CRMP1: variants seen among roughly 807,000 people sequenced by gnomAD.
CRMP1 encodes collapsin response mediator protein 1.
A neutral mutation model predicts 68.3 loss-of-function variants in CRMP1; 19 were observed. The observed-to-expected ratio is 0.28, with a 90% CI of 0.19 to 0.41. CRMP1 has a LOEUF of 0.41. Ranked by LOEUF, CRMP1 falls within the 10% of genes least tolerant of loss-of-function variation. The pLI is 1.00. For synonymous variants in CRMP1, 439 were observed against 399.6 expected (o/e 1.10, Z -1.18); for missense variants, 791 against 967.4 (o/e 0.82, Z 2.42).
intron 1 of CRMP1, among the ~76,000 whole-genome samples, chr4:5,885,552 G>T (rs1184652744): frequency 6.6e-6 from 1 of 152,178 alleles, no homozygotes; most frequent in Non-Finnish European, 1.5e-5. Context: ...CTCTCCCGAG[G>T]CCGTCTTTCC....
At chr4:5,886,262 T>A (rs968033128) in intron 1 of CRMP1, among the ~76,000 whole-genome samples, 4 of 152,212 alleles carry the variant, frequency 2.6e-5, no homozygotes, top group South Asian at 2.1e-4. Context: ...CCCATTTGAT[T>A]TCTCTTTACA....
chr4:5,835,758 A>G (rs1191063432), intron 11 of CRMP1, among the ~76,000 whole-genome samples, 157 bp downstream of exon 11: 2 of 152,236 alleles, frequency 1.3e-5, no homozygotes, highest in African/African-American at 4.8e-5. Flanking sequence ...CCTCCTCCCA[A>G]TCTCTCCAAC....
chr4:5,863,820 T>C lies in CRMP1; in HGVS notation c.471-2610A>G, dbSNP rs556026686. 2.0e-5 allele frequency among the ~76,000 whole-genome samples: 3 copies of C among 152,190 alleles called. No homozygotes were observed. The South Asian group carries it at 6.2e-4, about 32-fold the overall frequency. On this transcript the variant is annotated intron_variant, in intron 2 of 13. Transcript: ENST00000324989. ...TCATTCAAGTGAAGGAAAGTAATTG[T>C]GCCTCTGTACCCGAGGTGGTCCCCG...
At chr4:5,837,034 A>G in intron 9 of CRMP1, 128 bp from the exon 10 acceptor site, 1 of 1,070,746 alleles carries the variant, frequency 9.3e-7, no homozygotes, top group Non-Finnish European at 1.3e-6. Context: ...TGGGTAAGAG[A>G]GACTCTCTAG....
rs1036720324 is a variant in CRMP1 at position 5,888,435 on chromosome 4, C to T, written c.381+4154G>A. ...TGCCCACGCGCGGCTGCCCCGGCTG[C>T]TCGGCCCGCCCGCCGCCGCTCCGGC... On this transcript the variant is annotated intron_variant, in intron 1 of 13. Coordinates refer to ENST00000324989, the MANE Select transcript of CRMP1 (RefSeq NM_001014809.3). This position sits in a 1 kb window ranked among gnomAD's most constrained non-coding sequence, Gnocchi z 6.4. The T allele has an allele frequency of 1.2e-5, 14 of 1,215,680 alleles. No homozygotes were observed. The highest frequency in any genetic ancestry group is 1.4e-5 in the Non-Finnish European group (14 of 977,870). The allele number at this position is 1,215,680 out of a possible 1,614,324, so 75.3% of individuals were successfully genotyped here.
Position 5,858,748 on chromosome 4 carries a change from C to A in CRMP1, c.655+2278G>T, listed in dbSNP as rs1713323975. Among the ~76,000 whole-genome samples, 1 of 152,174 alleles carries A rather than the reference C, an allele frequency of 6.6e-6. No individual in the cohort carries two copies. Among genetic ancestry groups the A allele is most frequent in the Non-Finnish European group, 1.5e-5 (1 of 68,040 alleles). On this transcript the variant is annotated intron_variant, in intron 3 of 13. Coordinates refer to ENST00000324989, the MANE Select transcript of CRMP1 (RefSeq NM_001014809.3). This position sits in a 1 kb window ranked among gnomAD's most constrained non-coding sequence, Gnocchi z 5.5. The stretch of plus-strand genomic sequence containing the variant: ...TGCCCATCACCCATATGAGAAAGAG[C>A]CACAGCCTCATCAGGCCATCGAGGC...
At position 5,834,409 on chromosome 4, in the gene CRMP1, C is replaced by T. The variant is rs981733689; in HGVS notation, c.1623+1506G>A. On this transcript the variant is annotated intron_variant, in intron 11 of 13. Coordinates refer to ENST00000324989, the MANE Select transcript of CRMP1 (RefSeq NM_001014809.3). The surrounding 1 kb of genome is among the most constrained non-coding windows in gnomAD (Gnocchi z 4.3). ...GGGCTTGTTATAAAAGCAAATTCAG[C>T]GTCCTCTTGATACTTCTTTCACACT... Among the ~76,000 whole-genome samples the T allele has an allele frequency of 3.3e-5, 5 of 152,220 alleles. No homozygotes were observed. Among genetic ancestry groups the T allele is most frequent in the Non-Finnish European group, 7.3e-5 (5 of 68,042 alleles).
chr4:5,828,680 G>T lies in CRMP1; in HGVS notation c.1624-12C>A. 1 of 1,611,942 alleles carries T rather than the reference G, an allele frequency of 6.2e-7. No homozygotes were observed. Among genetic ancestry groups the T allele is most frequent in the South Asian group, 1.1e-5 (1 of 90,926 alleles). On this transcript the variant is annotated splice_polypyrimidine_tract_variant and intron_variant, in intron 11 of 13. Transcript: ENST00000324989. ...TTGTACTCCACCGCCTGCACCAACA[G>T]CCTCAGTGTTACTTCCCAGGATTTG...
At chr4:5,827,972 T>C in intron 12 of CRMP1, 1 of 924,570 alleles carries the variant, frequency 1.1e-6, no homozygotes, top group Non-Finnish European at 1.3e-6. Flanking sequence ...TCAAGGAAAA[T>C]AAGGAACGAC....
rs778108731 is a variant in CRMP1 at position 5,825,601 on chromosome 4, G to A, written c.1862C>T (p.Pro621Leu). Residue 621 changes from proline (P) to leucine (L), a missense_variant, in exon 13 of 14, where the codon CCA becomes CTA. Pro to Leu is a moderately conservative substitution (Grantham distance 98). This residue lies in a region of CRMP1 where 594 missense variants were observed against 763.6 expected (regional missense o/e 0.78). Coordinates refer to ENST00000324989, the MANE Select transcript of CRMP1 (RefSeq NM_001014809.3). This position sits in a 1 kb window ranked among gnomAD's most constrained non-coding sequence, Gnocchi z 4.4. The part of the protein sequence containing the change: ...GMYDGPVYEV[P>L]ATPKYATPAP... ...GGGAGTTGCATATTTGGGTGTAGCT[G>A]GTACCTCGTACACAGGACCGTCATA... 20 of 1,603,498 alleles carry A rather than the reference G, an allele frequency of 1.2e-5. No individual in the cohort carries two copies. The highest frequency in any genetic ancestry group is 1.6e-5 in the Non-Finnish European group (19 of 1,176,608).
In CRMP1 at chr4:5,841,527, T is replaced by C; in HGVS notation, c.1033-99A>G. 6.4e-7 allele frequency: 1 copy of C among 1,557,826 alleles called. No homozygotes were observed. Among genetic ancestry groups the C allele is most frequent in the Non-Finnish European group, 8.7e-7 (1 of 1,144,498 alleles). ...ATTGAATGTGATCAGAAGGGAAATC[T>C]GCTCCATTGAATGAGAAGGACATAC... On this transcript the variant is annotated intron_variant, in intron 7 of 13. Coordinates refer to ENST00000324989, the MANE Select transcript of CRMP1 (RefSeq NM_001014809.3). This position sits in a 1 kb window ranked among gnomAD's most constrained non-coding sequence, Gnocchi z 6.9.
In CRMP1 at chr4:5,889,219, G is replaced by T. The variant is rs1399922968; in HGVS notation, c.381+3370C>A. On this transcript the variant is annotated intron_variant, in intron 1 of 13. Coordinates refer to ENST00000324989, the MANE Select transcript of CRMP1 (RefSeq NM_001014809.3). The surrounding 1 kb of genome is among the most constrained non-coding windows in gnomAD (Gnocchi z 4.5). The stretch of plus-strand genomic sequence containing the variant: ...GGGAACAGCAGGGACAGAAGGGTAC[G>T]GCCTTAATTAATGCTGACCTGTTCT... 6.6e-6 allele frequency among the ~76,000 whole-genome samples: 1 copy of T among 152,118 alleles called. No homozygotes were observed. Among genetic ancestry groups the T allele is most frequent in the Non-Finnish European group, 1.5e-5 (1 of 68,032 alleles).
At position 5,870,214 on chromosome 4, in the gene CRMP1, C is replaced by T. The variant is rs1043267288; in HGVS notation, c.382-3458G>A. 6.6e-6 allele frequency among the ~76,000 whole-genome samples: 1 copy of T among 152,198 alleles called. No individual in the cohort carries two copies. The highest frequency in any genetic ancestry group is 1.5e-5 in the Non-Finnish European group (1 of 68,038). ...TGATGTTACTTATCTGAGTGCCCTCCGCTCGACTTCCCCTGTTTGGGACAA... is the reference window on the plus strand; with the variant it reads ...TGATGTTACTTATCTGAGTGCCCTCTGCTCGACTTCCCCTGTTTGGGACAA... On this transcript the variant is annotated intron_variant, in intron 1 of 13. Coordinates refer to ENST00000324989, the MANE Select transcript of CRMP1 (RefSeq NM_001014809.3). The surrounding 1 kb of genome is among the most constrained non-coding windows in gnomAD (Gnocchi z 6.0).
chr4:5,851,350 C>G, intron 5 of CRMP1, 58 bp downstream of exon 5: 7 of 1,521,268 alleles, frequency 4.6e-6, no homozygotes, highest in Non-Finnish European at 6.4e-6. Context: ...CCTGGACTGG[C>G]AAAGCTGGCC....
rs1214147016 is a variant in CRMP1 at position 5,821,379 on chromosome 4, A to G, written c.*381T>C. ...ACTCACAGACTTGCATACGTAATTT[A>G]GTAACATGCATCAACTATCCTAGAA... On this transcript the variant is annotated 3_prime_UTR_variant, in exon 14 of 14. Coordinates refer to ENST00000324989, the MANE Select transcript of CRMP1 (RefSeq NM_001014809.3). This position sits in a 1 kb window ranked among gnomAD's most constrained non-coding sequence, Gnocchi z 4.4. 3 of 209,786 alleles carry G rather than the reference A, an allele frequency of 1.4e-5. No homozygotes were observed. The highest frequency in any genetic ancestry group is 6.7e-5 in the African/African-American group (3 of 44,678). 13.0% of individuals were successfully genotyped at this position (209,786 alleles called of 1,614,324 possible). A position where few individuals can be genotyped will look rare whatever the true frequency, so the allele number is the denominator to read the frequency against.
At chr4:5,837,837 A>G (rs772407375) in intron 9 of CRMP1, among the ~76,000 whole-genome samples, 3 of 152,126 alleles carry the variant, frequency 2.0e-5, no homozygotes, top group Non-Finnish European at 2.9e-5. Context: ...TCACTCATTT[A>G]TTCAACAAAA....
At chr4:5,867,543 T>C (rs1024462536) in intron 1 of CRMP1, among the ~76,000 whole-genome samples, 1 of 152,166 alleles carries the variant, frequency 6.6e-6, no homozygotes, top group African/African-American at 2.4e-5. Context: ...CTTTTTCCTG[T>C]TTTCTTCCCC....
At position 5,837,046 on chromosome 4, in the gene CRMP1, G is replaced by A. The variant is rs566130382; in HGVS notation, c.1311-140C>T. On this transcript the variant is annotated intron_variant, in intron 9 of 13. Transcript: ENST00000324989. Reference sequence around the variant, plus strand: ...CAGTGGGTAAGAGAGACTCTCTAGCGTGTGCCTGCACGTGTCACAAGTCAG... The same window carrying A: ...CAGTGGGTAAGAGAGACTCTCTAGCATGTGCCTGCACGTGTCACAAGTCAG... The A allele has an allele frequency of 1.9e-4, 182 of 954,274 alleles. 1 individual carries two copies. Among genetic ancestry groups the A allele is most frequent in the Middle Eastern group, 9.8e-4 (4 of 4,102 alleles). 59.1% of individuals were successfully genotyped at this position (954,274 alleles called of 1,614,324 possible). A position where few individuals can be genotyped will look rare whatever the true frequency, so the allele number is the denominator to read the frequency against.
rs1005271511 is a variant in CRMP1 at position 5,881,193 on chromosome 4, T to A, written c.381+11396A>T. Among the ~76,000 whole-genome samples, 1 of 152,150 alleles carries A rather than the reference T, an allele frequency of 6.6e-6. No homozygotes were observed. Among genetic ancestry groups the A allele is most frequent in the African/African-American group, 2.4e-5 (1 of 41,430 alleles). ...CTACAACCTCATATATCCACAAACA[T>A]TGCTTTCTTCCTTTTAGCTGCTTGC... On this transcript the variant is annotated intron_variant, in intron 1 of 13. Transcript: ENST00000324989. The surrounding 1 kb of genome is among the most constrained non-coding windows in gnomAD (Gnocchi z 4.6).
Sources: gnomAD v4.1 joint callset for allele counts (sites outside exome capture counted in the v4.1 genomes callset) on GRCh38, gnomAD v4.1.1 for gene constraint, gnomAD v4.1.1 regional missense constraint, Gnocchi (gnomAD v3.1) non-coding constraint, MANE v1.5 for transcripts, NCBI Gene and HGNC (gene_info 2026-07-23, HGNC 2026-07-21) for gene names.